Variants in GUCY2F observed in about 807,000 individuals in gnomAD.
GUCY2F encodes retinal guanylyl cyclase 2.
Under a neutral mutation model 73.1 loss-of-function variants are expected in GUCY2F, and 61 were observed. The observed-to-expected ratio is 0.83, with a 90% CI of 0.68 to 1.03. The LOEUF (loss-of-function observed/expected upper bound fraction) is 1.03. Ranked by LOEUF, GUCY2F falls within the 50% of genes least tolerant of loss-of-function variation. GUCY2F has a pLI of 0.00. For synonymous variants in GUCY2F, 331 were observed against 307.8 expected (o/e 1.08, Z -0.79); for missense variants, 912 against 854.3 (o/e 1.07, Z -0.84).
intron 8 of GUCY2F, among the ~76,000 whole-genome samples, chrX:109,423,252 T>C (rs1931408123): frequency 8.9e-6 from 1 of 112,167 alleles, no homozygotes; most frequent in Admixed American, 9.4e-5. Flanking sequence ...CTTTTTAAAA[T>C]GTAGAAAATA....
At chrX:109,409,784 C>T (rs956582276) in intron 8 of GUCY2F, among the ~76,000 whole-genome samples, 2 of 111,527 alleles carry the variant, frequency 1.8e-5, no homozygotes. Context: ...CCTGCCACCA[C>T]GTAAAACATG....
intron 10 of GUCY2F, 148 bp from the exon 11 acceptor site, chrX:109,398,846 G>A: frequency 6.2e-6 from 3 of 480,387 alleles, no homozygotes; most frequent in Non-Finnish European, 6.8e-6. Flanking sequence ...ATCCCCCAGG[G>A]TCTGAATCTA....
At chrX:109,458,987 C>T (rs1932313053) in intron 3 of GUCY2F, among the ~76,000 whole-genome samples, 1 of 111,551 alleles carries the variant, frequency 9.0e-6, no homozygotes, top group African/African-American at 3.3e-5. Flanking sequence ...AATTAATAGG[C>T]TTTGGTGAAC....
chrX:109,407,489 G>A (rs1044002787), intron 9 of GUCY2F, among the ~76,000 whole-genome samples: 2 of 113,204 alleles, frequency 1.8e-5, no homozygotes, highest in Non-Finnish European at 3.7e-5. Context: ...CAAGCTGGCT[G>A]CAGAAGTCTG....
intron 6 of GUCY2F, among the ~76,000 whole-genome samples, chrX:109,445,583 A>G (rs971042622): frequency 2.7e-5 from 3 of 112,061 alleles, no homozygotes; most frequent in Non-Finnish European, 3.8e-5. Context: ...ATGGTGGATA[A>G]GCTTTTTGAT....
intron 14 of GUCY2F, among the ~76,000 whole-genome samples, chrX:109,389,807 A>AT (rs1930519088): frequency 9.0e-6 from 1 of 111,644 alleles, no homozygotes; most frequent in Non-Finnish European, 1.9e-5. Flanking sequence ...TCTTGAAACC[A>AT]GCCCTGGAAC....
chrX:109,473,919 T>G (rs762372647), intron 2 of GUCY2F, among the ~76,000 whole-genome samples: 1 of 112,599 alleles, frequency 8.9e-6, no homozygotes, highest in South Asian at 3.7e-4. Flanking sequence ...TGATTTTATG[T>G]CTTTCAAAAT....
At chrX:109,408,436 C>T (rs1360760196) in intron 9 of GUCY2F, among the ~76,000 whole-genome samples, 2 of 111,992 alleles carry the variant, frequency 1.8e-5, no homozygotes, top group Non-Finnish European at 3.8e-5. Context: ...TGGGTTAATG[C>T]TGAAATGAGT....
intron 10 of GUCY2F, among the ~76,000 whole-genome samples, chrX:109,403,167 TTC>T (rs911920433): frequency 9.0e-6 from 1 of 111,287 alleles, no homozygotes; most frequent in African/African-American, 3.3e-5. Flanking sequence ...ATCATATTTG[TTC>T]TCTTTCTTTT....
At chrX:109,392,291 C>A (rs1375730198) in intron 13 of GUCY2F, among the ~76,000 whole-genome samples, 188 bp from the exon 14 acceptor site, 1 of 112,172 alleles carries the variant, frequency 8.9e-6, no homozygotes, top group African/African-American at 3.2e-5. Flanking sequence ...TGCTTACAAT[C>A]GGTCAGGAAC....
At chrX:109,448,582 CATTTT>C (rs1351073355) in intron 5 of GUCY2F, among the ~76,000 whole-genome samples, 2 of 112,035 alleles carry the variant, frequency 1.8e-5, no homozygotes, top group African/African-American at 3.2e-5. Flanking sequence ...CATTAATCTC[CATTTT>C]ATAGACAAAA....
chrX:109,402,379 T>G (rs1569359193), intron 10 of GUCY2F, among the ~76,000 whole-genome samples: 8 of 108,934 alleles, frequency 7.3e-5, no homozygotes, highest in Non-Finnish European at 1.5e-4. Flanking sequence ...GCGTTTTGTT[T>G]TTTTTTTTTT....
chrX:109,411,432 C>T (rs1931108601), intron 8 of GUCY2F, among the ~76,000 whole-genome samples: 1 of 111,095 alleles, frequency 9.0e-6, no homozygotes, highest in South Asian at 3.8e-4. Context: ...TCCAGCATTT[C>T]CCCATAAGAT....
At chrX:109,471,144 A>C (rs1411408705) in intron 2 of GUCY2F, among the ~76,000 whole-genome samples, 5 of 112,310 alleles carry the variant, frequency 4.5e-5, no homozygotes, top group African/African-American at 1.3e-4. Context: ...ATTTTGGAAG[A>C]GCAAGAGAAG....
intron 3 of GUCY2F, among the ~76,000 whole-genome samples, chrX:109,460,703 G>T (rs955948679): frequency 3.6e-5 from 4 of 111,301 alleles, no homozygotes; most frequent in Non-Finnish European, 7.6e-5. Flanking sequence ...AAAGAAAGAG[G>T]CGTTTAAGAA....
intron 7 of GUCY2F, among the ~76,000 whole-genome samples, chrX:109,437,790 T>C (rs1002607923): frequency 8.9e-6 from 1 of 112,548 alleles, no homozygotes; most frequent in Admixed American, 9.4e-5. Context: ...AAAACCAAGG[T>C]TATGGAGATT....
chrX:109,430,175 C>A, intron 8 of GUCY2F, 132 bp downstream of exon 8: 2 of 497,824 alleles, frequency 4.0e-6, no homozygotes, highest in Non-Finnish European at 6.9e-6. Context: ...ATGATCATAC[C>A]AACCCATTAG....
chrX:109,388,012 T>A (rs1930475678), intron 15 of GUCY2F, among the ~76,000 whole-genome samples: 1 of 110,232 alleles, frequency 9.1e-6, no homozygotes, highest in South Asian at 3.9e-4. Flanking sequence ...ATGTCATTCA[T>A]TTTTTTAAAG....
At chrX:109,415,341 C>T (rs1383055641) in intron 8 of GUCY2F, among the ~76,000 whole-genome samples, 2 of 112,181 alleles carry the variant, frequency 1.8e-5, no homozygotes, top group African/African-American at 6.5e-5. Flanking sequence ...TAATAAATTT[C>T]AGGAGGCCTA....
Sources: gnomAD v4.1 joint callset for allele counts (sites outside exome capture counted in the v4.1 genomes callset) on GRCh38, gnomAD v4.1.1 for gene constraint, MANE v1.5 for transcripts, NCBI Gene and HGNC (gene_info 2026-07-23, HGNC 2026-07-21) for gene names.